The following PRMT8 variants were observed in gnomAD, a reference collection of about 807,000 sequenced individuals.
PRMT8 encodes protein arginine methyltransferase 8, also known as protein arginine N-methyltransferase 8.
A neutral mutation model predicts 47.1 loss-of-function variants in PRMT8; 7 were observed. The ratio of observed to expected loss-of-function variants is 0.15; its 90% CI spans 0.08 to 0.28. The LOEUF (loss-of-function observed/expected upper bound fraction) is 0.28. Ranked by LOEUF, PRMT8 falls within the 10% of genes least tolerant of loss-of-function variation. PRMT8 has a pLI of 1.00. For synonymous variants in PRMT8, 188 were observed against 186.5 expected (o/e 1.01, Z -0.07); for missense variants, 237 against 505.4 (o/e 0.47, Z 5.09).
chr12:3,537,607 C>T (rs1866141212), intron 1 of PRMT8, among the ~76,000 whole-genome samples: 2 of 152,304 alleles, frequency 1.3e-5, no homozygotes, highest in South Asian at 2.1e-4. Context: ...TTTCCCCCCA[C>T]CCCAACCTGC....
At chr12:3,443,005 A>G (rs1864819718) in intron 1 of PRMT8, among the ~76,000 whole-genome samples, 1 of 152,186 alleles carries the variant, frequency 6.6e-6, no homozygotes, top group Non-Finnish European at 1.5e-5. Flanking sequence ...ATAATTTTTA[A>G]AAAAGTAAAA....
chr12:3,383,411 A>G (rs1864109972), intron 1 of PRMT8, among the ~76,000 whole-genome samples: 1 of 152,228 alleles, frequency 6.6e-6, no homozygotes, highest in Admixed American at 6.5e-5. Context: ...TGTAGCTTTC[A>G]GCATAAAAGT....
chr12:3,438,007 G>T (rs984024285), intron 1 of PRMT8, among the ~76,000 whole-genome samples: 16 of 152,160 alleles, frequency 1.1e-4, no homozygotes, highest in Admixed American at 9.8e-4. Context: ...GGGGTCCCAA[G>T]GAGGAAGTCC....
chr12:3,533,488 A>G (rs1412672521), intron 1 of PRMT8, among the ~76,000 whole-genome samples: 1 of 152,182 alleles, frequency 6.6e-6, no homozygotes, highest in Non-Finnish European at 1.5e-5. Flanking sequence ...TCGTTAGTGT[A>G]TTTTATGGGT....
intron 1 of PRMT8, among the ~76,000 whole-genome samples, chr12:3,381,614 C>T (rs569217990): frequency 6.6e-5 from 10 of 152,200 alleles, no homozygotes; most frequent in Non-Finnish European, 1.5e-4. Flanking sequence ...TTTGCGGCTC[C>T]ACAGTCTTGT....
intron 1 of PRMT8, among the ~76,000 whole-genome samples, chr12:3,445,759 C>G (rs1249448534): frequency 6.6e-6 from 1 of 152,138 alleles, no homozygotes; most frequent in African/African-American, 2.4e-5. Context: ...TCCAGTGGCC[C>G]CACATACACA....
intron 1 of PRMT8, among the ~76,000 whole-genome samples, chr12:3,415,332 TA>T (rs1183694681): frequency 6.6e-6 from 1 of 152,158 alleles, no homozygotes; most frequent in Non-Finnish European, 1.5e-5. Flanking sequence ...GTTGAATTTT[TA>T]TGGAGACTTC....
At chr12:3,485,475 TA>T (rs948811057) in intron 1 of PRMT8, among the ~76,000 whole-genome samples, 4 of 152,160 alleles carry the variant, frequency 2.6e-5, no homozygotes, top group African/African-American at 9.7e-5. Context: ...CATATGAAAA[TA>T]AAAGCTTCTG....
At chr12:3,574,398 A>G (rs7970100) in intron 6 of PRMT8, among the ~76,000 whole-genome samples, 3,186 of 152,378 alleles carry the variant, frequency 0.021, 133 homozygotes, top group African/African-American at 0.072. Flanking sequence ...ATTCTGATTC[A>G]GTAGGTCTGG....
chr12:3,440,174 A>G (rs1362117597), intron 1 of PRMT8, among the ~76,000 whole-genome samples: 2 of 152,306 alleles, frequency 1.3e-5, no homozygotes, highest in East Asian at 1.9e-4. Flanking sequence ...TAAAAAACCT[A>G]TCTAGGCCGG....
At position 3,453,264 on chromosome 12, in the gene PRMT8, G is replaced by A. The variant is rs1156886607; in HGVS notation, c.48+71822G>A. 6.6e-6 allele frequency among the ~76,000 whole-genome samples: 1 copy of A among 152,060 alleles called. No homozygotes were observed. The highest frequency in any genetic ancestry group is 1.9e-4 in the East Asian group (1 of 5,188). On this transcript the variant is annotated intron_variant, in intron 1 of 9. Coordinates refer to the PRMT8 transcript ENST00000452611. The surrounding 1 kb of genome is among the most constrained non-coding windows in gnomAD (Gnocchi z 4.9). ...CACGCCCCTCGCTCACTCTAGTCCTGGCTCCCTTTACACAGGCCTAATATG... is the reference window on the plus strand; with the variant it reads ...CACGCCCCTCGCTCACTCTAGTCCTAGCTCCCTTTACACAGGCCTAATATG...
At chr12:3,410,282 A>G (rs1024234930) in intron 1 of PRMT8, among the ~76,000 whole-genome samples, 1 of 152,104 alleles carries the variant, frequency 6.6e-6, no homozygotes, top group South Asian at 2.1e-4. Flanking sequence ...TGAAGTTCTG[A>G]TGGTTTCTCA....
intron 1 of PRMT8, among the ~76,000 whole-genome samples, chr12:3,526,202 T>A (rs537409263): frequency 6.6e-6 from 1 of 152,240 alleles, no homozygotes; most frequent in Non-Finnish European, 1.5e-5. Flanking sequence ...AGATTTTTCT[T>A]CCTTTTTAAG....
intron 1 of PRMT8, among the ~76,000 whole-genome samples, chr12:3,424,782 G>A (rs369040034): frequency 2.2e-4 from 34 of 152,252 alleles, no homozygotes; most frequent in African/African-American, 8.2e-4. Context: ...TAGCACTGTA[G>A]CAACCTTTTG....
At chr12:3,475,382 T>A (rs1414401280) in intron 1 of PRMT8, among the ~76,000 whole-genome samples, 1 of 152,244 alleles carries the variant, frequency 6.6e-6, no homozygotes, top group Non-Finnish European at 1.5e-5. Flanking sequence ...AGATAAGGAC[T>A]GACTTTTACC....
At chr12:3,485,989 G>A (rs545019538) in intron 1 of PRMT8, among the ~76,000 whole-genome samples, 5 of 152,296 alleles carry the variant, frequency 3.3e-5, no homozygotes, top group Admixed American at 6.5e-5. Context: ...TTTTCAGGTC[G>A]GGTTGCCCTG....
At chr12:3,464,543 T>A (rs1186477339) in intron 1 of PRMT8, among the ~76,000 whole-genome samples, 1 of 152,206 alleles carries the variant, frequency 6.6e-6, no homozygotes, top group Non-Finnish European at 1.5e-5. Context: ...TACACATGCA[T>A]TCATTTATTC....
intron 4 of PRMT8, among the ~76,000 whole-genome samples, chr12:3,562,251 A>T (rs1476761981): frequency 6.6e-6 from 1 of 152,206 alleles, no homozygotes; most frequent in Non-Finnish European, 1.5e-5. Context: ...TGTAGTAGTG[A>T]CTGCTGGCAA....
At chr12:3,468,440 A>G (rs1278677880) in intron 1 of PRMT8, among the ~76,000 whole-genome samples, 1 of 152,196 alleles carries the variant, frequency 6.6e-6, no homozygotes, top group South Asian at 2.1e-4. Context: ...CAGAGTGCCC[A>G]TCTCTGATAT....
Sources: allele counts gnomAD v4.1 joint callset (sites outside exome capture counted in the v4.1 genomes callset), GRCh38; gene constraint gnomAD v4.1.1; non-coding constraint Gnocchi (gnomAD v3.1); transcripts MANE v1.5; gene names NCBI Gene and HGNC (gene_info 2026-07-23, HGNC 2026-07-21).